The following STX12 variants were observed in gnomAD, a reference collection of about 807,000 sequenced individuals.
The protein encoded by STX12 is syntaxin-12.
STX12 carries 17 observed loss-of-function variants against 42.2 expected under a neutral mutation model. The observed-to-expected ratio is 0.40, with a 90% CI of 0.28 to 0.60. STX12 has a LOEUF of 0.60. Among genes scored for constraint, STX12 ranks in the 20% least tolerant of loss-of-function variants. The pLI is 0.39. For synonymous variants in STX12, 108 were observed against 116.7 expected, an observed-to-expected ratio of 0.93 and a Z score of 0.48; for missense variants, 297 against 330.9, an observed-to-expected ratio of 0.90 and a Z score of 0.79.
In STX12 at chr1:27,812,252, C is replaced by T; in HGVS notation, c.560C>T (p.Ala187Val). 1 of 1,556,710 alleles carries T rather than the reference C, an allele frequency of 6.4e-7. No homozygotes were observed. Reference protein sequence around the residue: ...DLELIKERETAIRQLEADILD... With the variant: ...DLELIKERETVIRQLEADILD... ...GAACTTATTAAAGAAAGAGAAACGG[C>T]AATTCGGCAGCTGGAGGTGAGAGCC... The change falls in exon 6 of 9, where the codon GCA (alanine) becomes GTA (valine). Residue 187 changes from alanine to valine, a missense_variant. Physicochemically the swap from Ala to Val is moderately conservative, Grantham distance 64. Transcript: ENST00000373943.
chr1:27,795,150 CAT>C (rs1490706031), intron 3 of STX12, among the ~76,000 whole-genome samples: 2 of 152,018 alleles, frequency 1.3e-5, no homozygotes, highest in African/African-American at 4.8e-5. Context: ...GCTAGTGGAA[CAT>C]GAAGTCATTT....
intron 2 of STX12, among the ~76,000 whole-genome samples, chr1:27,792,244 C>CTATATATATGTAGATACATATATATG (rs2088751646): frequency 2.1e-5 from 2 of 94,968 alleles, no homozygotes. Flanking sequence ...ATATATGTAT[C>CTATATATATGTAGATACATATATATG]TATATATATG....
chr1:27,792,112 AAT>A (rs1260372528), intron 2 of STX12, among the ~76,000 whole-genome samples: 1 of 139,152 alleles, frequency 7.2e-6, no homozygotes, highest in Non-Finnish European at 1.5e-5. Context: ...ATAGTATATA[AAT>A]ATATAATATA....
chr1:27,810,525 G>A (rs574513751), intron 5 of STX12, among the ~76,000 whole-genome samples: 5 of 152,264 alleles, frequency 3.3e-5, no homozygotes, highest in African/African-American at 1.2e-4. Context: ...AACCATTGAT[G>A]TCTATGTGTT....
At chr1:27,779,892 A>G (rs2088655667) in intron 1 of STX12, among the ~76,000 whole-genome samples, 1 of 151,506 alleles carries the variant, frequency 6.6e-6, no homozygotes, top group African/African-American at 2.4e-5. Flanking sequence ...CCCAGGTTCA[A>G]GCGATCCTCC....
intron 5 of STX12, 68 bp from the exon 6 acceptor site, chr1:27,812,095 G>A: frequency 1.6e-6 from 2 of 1,273,126 alleles, no homozygotes; most frequent in Non-Finnish European, 1.1e-6. Flanking sequence ...TGGCAGTAGA[G>A]ATGTTGGAGA....
At chr1:27,810,885 A>C (rs1388869633) in intron 5 of STX12, among the ~76,000 whole-genome samples, 1 of 152,152 alleles carries the variant, frequency 6.6e-6, no homozygotes, top group Non-Finnish European at 1.5e-5. Flanking sequence ...TTGTATCTCT[A>C]GCACGAAGAG....
chr1:27,774,145 G>A (rs974514913), intron 1 of STX12: 2 of 152,190 alleles, frequency 1.3e-5, no homozygotes, highest in Admixed American at 6.5e-5. Flanking sequence ...AGCTGCTCTT[G>A]AACAAATCTG....
chr1:27,790,453 C>G (rs1368366396), intron 2 of STX12, among the ~76,000 whole-genome samples: 1 of 152,168 alleles, frequency 6.6e-6, no homozygotes, highest in South Asian at 2.1e-4. Context: ...ACTGATTGGT[C>G]CATTTTACAA....
intron 3 of STX12, among the ~76,000 whole-genome samples, chr1:27,798,341 G>A (rs1237303974): frequency 5.3e-5 from 8 of 151,648 alleles, no homozygotes; most frequent in Non-Finnish European, 1.0e-4. Context: ...GACCCAGCCC[G>A]GGCAACATCT....
intron 4 of STX12, among the ~76,000 whole-genome samples, chr1:27,809,195 G>A (rs1331389561): frequency 2.0e-5 from 3 of 152,036 alleles, no homozygotes; most frequent in East Asian, 2.0e-4. Flanking sequence ...TTAGCTGGGC[G>A]TGGTGGCGTG....
chr1:27,792,186 CTATA>C (rs1417229682), intron 2 of STX12, among the ~76,000 whole-genome samples: 1 of 94,654 alleles, frequency 1.1e-5, no homozygotes, highest in East Asian at 3.8e-4. Context: ...ATATATGTAT[CTATA>C]TATGTATATA....
rs1471132662 is a variant in STX12, at chr1:27,801,554, A to T, written c.289-124A>T. On this transcript the variant is annotated intron_variant, in intron 3 of 8. Transcript: ENST00000373943. ...GCAAATTTATTAATTTAAAGAAGAG[A>T]CTATTTCATAATAATTTTCCTAGTT... 1.2e-5 allele frequency: 12 copies of T among 1,011,356 alleles called. No individual in the cohort carries two copies. The East Asian group carries it at 3.9e-4, about 33-fold the overall frequency. 62.6% of individuals were successfully genotyped at this position (1,011,356 alleles called of 1,614,324 possible).
chr1:27,817,870 A>G lies in STX12; in HGVS notation c.596A>G (p.Asn199Ser), dbSNP rs2088954051. ...CCTTAGGCTGACATTTTGGATGTCA[A>G]TCAGATATTTAAAGATTTGGCCATG... The part of the protein sequence containing the change: ...RQLEADILDV[N>S]QIFKDLAMMI... Residue 199 changes from asparagine (N) to serine (S), a missense_variant, in exon 7 of 9, where the codon AAT becomes AGT. Physicochemically the swap from Asn to Ser is conservative, Grantham distance 46. Coordinates refer to ENST00000373943, the MANE Select transcript of STX12 (RefSeq NM_177424.3). 7 of 1,613,936 alleles carry G rather than the reference A, an allele frequency of 4.3e-6. No individual in the cohort carries two copies. In the Admixed American group the frequency reaches 5.0e-5, roughly 12 times the overall value.
Position 27,819,750 on chromosome 1 carries a change from A to G in STX12, c.732+18A>G. The G allele has an allele frequency of 1.9e-6, 3 of 1,611,076 alleles. 1 individual carries two copies. The South Asian group carries it at 3.3e-5, about 18-fold the overall frequency. On this transcript the variant is annotated intron_variant, in intron 8 of 8. Transcript: ENST00000373943. Reference sequence around the variant, plus strand: ...ACTATCAGGTAAAAGCGGGTACCAAAGAAAGTCACTCTGTGTTGCAGACTT... The same window carrying G: ...ACTATCAGGTAAAAGCGGGTACCAAGGAAAGTCACTCTGTGTTGCAGACTT...
chr1:27,810,190 G>T, intron 4 of STX12, 56 bp from the exon 5 acceptor site: 25 of 1,548,824 alleles, frequency 1.6e-5, no homozygotes, highest in South Asian at 5.6e-5. Flanking sequence ...CCCTTGTTTT[G>T]TGTGTCTGTG....
intron 4 of STX12, among the ~76,000 whole-genome samples, chr1:27,802,514 AGGAG>A (rs2088834342): frequency 6.6e-6 from 1 of 152,214 alleles, no homozygotes; most frequent in Non-Finnish European, 1.5e-5. Context: ...GGAGGAGGGC[AGGAG>A]GGAGGAGAAA....
At chr1:27,810,689 A>T (rs1274419787) in intron 5 of STX12, among the ~76,000 whole-genome samples, 3 of 152,318 alleles carry the variant, frequency 2.0e-5, no homozygotes, top group African/African-American at 7.2e-5. Context: ...TCCTTCTAGG[A>T]GTATTAAGAG....
chr1:27,797,925 G>A (rs1406686306), intron 3 of STX12, among the ~76,000 whole-genome samples: 1 of 148,708 alleles, frequency 6.7e-6, no homozygotes, highest in Non-Finnish European at 1.5e-5. Flanking sequence ...ATATACTCTG[G>A]AGCCAAATTT....
Sources: allele counts gnomAD v4.1 joint callset (sites outside exome capture counted in the v4.1 genomes callset), GRCh38; gene constraint gnomAD v4.1.1; transcripts MANE v1.5; gene names NCBI Gene and HGNC (gene_info 2026-07-23, HGNC 2026-07-21).